HM13: variants seen among roughly 807,000 people sequenced by gnomAD.
HM13 encodes the protein histocompatibility minor 13.
A neutral mutation model predicts 50.0 loss-of-function variants in HM13; 18 were observed. That is an observed-to-expected ratio of 0.36 (90% CI 0.25 to 0.53). The LOEUF is 0.53. Among genes scored for constraint, HM13 ranks in the 20% least tolerant of loss-of-function variants. The probability of loss-of-function intolerance (pLI) is 0.90; values close to 1 mark genes in which losing one functional copy is unlikely to be tolerated. For missense variants in HM13, 393 were observed against 552.4 expected, an observed-to-expected ratio of 0.71 and a Z score of 2.89; for synonymous variants, 197 against 232.6, an observed-to-expected ratio of 0.85 and a Z score of 1.39.
chr20:31,522,191 C>T (rs6119489), intron 1 of HM13, among the ~76,000 whole-genome samples: 41,641 of 152,060 alleles, frequency 0.27, 8,608 homozygotes, highest in African/African-American at 0.58. Flanking sequence ...CAGAGTCCTG[C>T]GTGTCCTTTG....
At chr20:31,524,940 C>T (rs1243796328) in intron 1 of HM13, among the ~76,000 whole-genome samples, 1 of 152,002 alleles carries the variant, frequency 6.6e-6, no homozygotes, top group Non-Finnish European at 1.5e-5. Context: ...GTCTTGATCT[C>T]CTGACCTCAC....
chr20:31,544,836 C>T, intron 3 of HM13, 111 bp from the exon 4 acceptor site: 5 of 814,242 alleles, frequency 6.1e-6, no homozygotes, highest in Non-Finnish European at 8.5e-6. Flanking sequence ...ACAGTAACAC[C>T]TACCTATCAG....
At chr20:31,568,774 T>A (rs1201106065) in intron 12 of HM13, among the ~76,000 whole-genome samples, 1 of 152,170 alleles carries the variant, frequency 6.6e-6, no homozygotes, top group Non-Finnish European at 1.5e-5. Context: ...TCTCCATCTC[T>A]TGTAGCCTTG....
intron 4 of HM13, chr20:31,547,494 AC>A: frequency 1.5e-6 from 1 of 677,432 alleles, no homozygotes; most frequent in Non-Finnish European, 2.6e-6. Context: ...CGCCCGCTTC[AC>A]CCTGGATCAT....
At chr20:31,526,568 C>A (rs529946031) in intron 1 of HM13, among the ~76,000 whole-genome samples, 2 of 152,288 alleles carry the variant, frequency 1.3e-5, no homozygotes, top group African/African-American at 4.8e-5. Flanking sequence ...GCATTCAGTT[C>A]TTTTTCATGT....
At chr20:31,553,113 T>C (rs1984116022) in intron 7 of HM13, among the ~76,000 whole-genome samples, 1 of 152,040 alleles carries the variant, frequency 6.6e-6, no homozygotes, top group Non-Finnish European at 1.5e-5. Context: ...CTGACCAACA[T>C]GGTGAAACCC....
chr20:31,517,099 G>A (rs375699849), intron 1 of HM13, among the ~76,000 whole-genome samples: 4 of 152,088 alleles, frequency 2.6e-5, no homozygotes, highest in Admixed American at 6.6e-5. Context: ...ACCCTGAGTC[G>A]TTTCCCTGGT....
chr20:31,530,841 T>C (rs938594085), intron 2 of HM13, among the ~76,000 whole-genome samples: 2 of 152,190 alleles, frequency 1.3e-5, no homozygotes, highest in Admixed American at 6.5e-5. Flanking sequence ...TGTGCACTTA[T>C]TTTCTTCAAG....
intron 1 of HM13, among the ~76,000 whole-genome samples, chr20:31,521,930 C>T (rs1982189808): frequency 6.7e-6 from 1 of 148,758 alleles, no homozygotes; most frequent in South Asian, 2.1e-4. Context: ...CTGGGCTCAA[C>T]CGATCTGCCC....
In HM13 at chr20:31,555,662, AG is replaced by A. The variant is rs528105889; in HGVS notation, c.808+834del. Among the ~76,000 whole-genome samples the A allele has an allele frequency of 1.9e-3, 282 of 152,294 alleles. 2 individuals are homozygous for A. The highest frequency in any genetic ancestry group is 6.5e-3 in the African/African-American group (272 of 41,568). On this transcript the variant is annotated intron_variant, in intron 8 of 12. Coordinates refer to ENST00000398174, the MANE Select transcript of HM13 (RefSeq NM_178581.3). ...TTCCTAGCCTCAGAGTGAGAGGGTT[AG>A]AAGCTTGCTTAAAAGAAGGTTTTAG...
At position 31,559,671 on chromosome 20, in the gene HM13, A is replaced by G. The variant is rs112305226; in HGVS notation, c.845+24A>G. The G allele has an allele frequency of 1.5e-4, 238 of 1,613,104 alleles. 1 individual carries two copies. In the African/African-American group the frequency reaches 2.3e-3, roughly 16 times the overall value. On this transcript the variant is annotated intron_variant, in intron 9 of 12. Transcript: ENST00000398174. ...AGGTGAGTGAGTGAGGGCCTGCCCC[A>G]GCATGGGCTTCTCCAGGGATTCTCC...
Position 31,514,627 on chromosome 20 carries a change from C to G in HM13, c.76C>G (p.Pro26Ala), listed in dbSNP as rs1206608649. The part of the protein sequence containing the change: ...GGPTNSTTRP[P>A]STPEGIALAY... ...CCCCACCAACAGCACTACGCGGCCG[C>G]CTTCCACGCCCGAGGGCATCGCGCT... The change falls in exon 1 of 13, where the codon CCT becomes GCT. Residue 26 changes from proline (P) to alanine (A), a missense_variant. Physicochemically the swap from Pro to Ala is conservative, Grantham distance 27. Coordinates refer to ENST00000398174, the MANE Select transcript of HM13 (RefSeq NM_178581.3). This position sits in a 1 kb window ranked among gnomAD's most constrained non-coding sequence, Gnocchi z 4.3. 6.3e-7 allele frequency: 1 copy of G among 1,585,660 alleles called. No homozygotes were observed. The highest frequency in any genetic ancestry group is 1.3e-5 in the African/African-American group (1 of 74,530).
chr20:31,555,124 C>T (rs148203987), intron 8 of HM13, among the ~76,000 whole-genome samples: 39 of 152,330 alleles, frequency 2.6e-4, no homozygotes, highest in Admixed American at 8.5e-4. Flanking sequence ...AGTCTAATGA[C>T]AGATTGAGGT....
At chr20:31,555,884 C>T (rs1984287050) in intron 8 of HM13, among the ~76,000 whole-genome samples, 1 of 151,106 alleles carries the variant, frequency 6.6e-6, no homozygotes, top group South Asian at 2.1e-4. Context: ...GTAGGAGGAT[C>T]GTTTGAGCCC....
chr20:31,544,857 AG>A (rs1329673674), intron 3 of HM13, 89 bp from the exon 4 acceptor site: 1 of 976,194 alleles, frequency 1.0e-6, no homozygotes, highest in African/African-American at 1.6e-5. Context: ...GACAGCTGTA[AG>A]GGTGCCAGCT....
intron 3 of HM13, chr20:31,538,494 C>G (rs1983250072): frequency 1.1e-5 from 15 of 1,405,156 alleles, no homozygotes; most frequent in Non-Finnish European, 1.4e-5. Context: ...TTTCCACCAC[C>G]ACAGCTGTTG....
intron 7 of HM13, among the ~76,000 whole-genome samples, chr20:31,553,178 T>C (rs1263858018): frequency 3.8e-5 from 5 of 133,000 alleles, no homozygotes; most frequent in Non-Finnish European, 6.1e-5. Flanking sequence ...TGCCTGTAAT[T>C]TCAGCTACTC....
intron 2 of HM13, among the ~76,000 whole-genome samples, chr20:31,533,065 T>G (rs889745141): frequency 2.0e-5 from 3 of 152,232 alleles, no homozygotes; most frequent in Non-Finnish European, 4.4e-5. Context: ...GCACAGCCAC[T>G]GGGCTCCTCC....
At chr20:31,534,665 C>T (rs1329297877) in intron 2 of HM13, among the ~76,000 whole-genome samples, 2 of 152,114 alleles carry the variant, frequency 1.3e-5, no homozygotes, top group African/African-American at 4.8e-5. Flanking sequence ...CACCTGTAGT[C>T]CCAACTACTT....
Sources: gnomAD v4.1 joint callset for allele counts (sites outside exome capture counted in the v4.1 genomes callset) on GRCh38, gnomAD v4.1.1 for gene constraint, Gnocchi (gnomAD v3.1) non-coding constraint, MANE v1.5 for transcripts, NCBI Gene and HGNC (gene_info 2026-07-23, HGNC 2026-07-21) for gene names.